Variants in PCDHA12 observed in about 807,000 individuals in gnomAD.
PCDHA12 encodes protocadherin alpha-12.
In PCDHA12, 44 loss-of-function variants were observed where a neutral mutation model predicts 60.0. The ratio of observed to expected loss-of-function variants is 0.73; its 90% CI spans 0.58 to 0.94. PCDHA12 has a LOEUF of 0.94. Among genes scored for constraint, PCDHA12 ranks in the 40% least tolerant of loss-of-function variants. PCDHA12 has a pLI of 0.00. For missense variants in PCDHA12, 1,276 were observed against 1,239.7 expected, an observed-to-expected ratio of 1.03 and a Z score of -0.44; for synonymous variants, 569 against 553.0, an observed-to-expected ratio of 1.03 and a Z score of -0.40.
chr5:140,966,978 G>T lies in PCDHA12; in HGVS notation c.2368-11971G>T, dbSNP rs782662616. The stretch of plus-strand genomic sequence containing the variant: ...CGCGCGCTGGGGCTTGAGCTGCGGC[G>T]CTTGGGGCCGGGTTGCTTGCGCATC... On this transcript the variant is annotated intron_variant, in intron 1 of 3. Transcript: ENST00000398631. 3.1e-6 allele frequency: 5 copies of T among 1,603,218 alleles called. No homozygotes were observed. In the African/African-American group the frequency reaches 5.3e-5, roughly 17 times the overall value.
chr5:140,941,256 T>TTTC (rs2092982969), intron 1 of PCDHA12, among the ~76,000 whole-genome samples: 1 of 45,974 alleles, frequency 2.2e-5, no homozygotes, highest in African/African-American at 7.5e-5. Flanking sequence ...TCTTTCTTTC[T>TTTC]CTTTCTTTCT....
rs1554169011 is a variant in PCDHA12, at chr5:140,876,843, G to A, written c.1371G>A (p.Gln457=). ...DVNDNAPAFA[Q]PEYTVFVKEN... is the part of the protein sequence containing the mutation. ...ACGACAATGCGCCTGCGTTCGCGCAGCCCGAGTACACAGTGTTCGTGAAGG... is the reference window on the plus strand; with the variant it reads ...ACGACAATGCGCCTGCGTTCGCGCAACCCGAGTACACAGTGTTCGTGAAGG... The change falls in exon 1 of 4, where the codon CAG becomes CAA. Residue 457 remains glutamine, a synonymous_variant. Coordinates refer to ENST00000398631, the MANE Select transcript of PCDHA12 (RefSeq NM_018903.4). The A allele has an allele frequency of 1.9e-6, 3 of 1,614,128 alleles. No homozygotes were observed. The highest frequency in any genetic ancestry group is 2.2e-5 in the East Asian group (1 of 44,870).
At chr5:140,917,211 C>T (rs938458701) in intron 1 of PCDHA12, among the ~76,000 whole-genome samples, 3 of 151,636 alleles carry the variant, frequency 2.0e-5, no homozygotes, top group Non-Finnish European at 2.9e-5. Context: ...TTCAATGCCT[C>T]TTTTAGTGAT....
chr5:140,928,571 C>T (rs369670852), intron 1 of PCDHA12: 1 of 1,614,180 alleles, frequency 6.2e-7, no homozygotes, highest in East Asian at 2.2e-5. Context: ...TTTCCCTTGC[C>T]CAGAAATGGT....
At chr5:140,928,178 G>C (rs2085023372) in intron 1 of PCDHA12, 1 of 1,614,074 alleles carries the variant, frequency 6.2e-7, no homozygotes, top group African/African-American at 1.3e-5. Flanking sequence ...AGCACCCGAA[G>C]GACAATCACT....
chr5:140,961,985 G>A (rs782724308), intron 1 of PCDHA12, among the ~76,000 whole-genome samples: 30 of 151,692 alleles, frequency 2.0e-4, no homozygotes, highest in Non-Finnish European at 4.0e-4. Context: ...CTGGGTTCAC[G>A]CCATTGTCCT....
chr5:140,883,503 C>T (rs782604086), intron 1 of PCDHA12: 7 of 1,614,204 alleles, frequency 4.3e-6, no homozygotes, highest in Non-Finnish European at 5.9e-6. Flanking sequence ...CTGGACAGCG[C>T]CCTGGACCGC....
At chr5:140,962,840 T>C (rs1554226297) in intron 1 of PCDHA12, among the ~76,000 whole-genome samples, 6 of 152,348 alleles carry the variant, frequency 3.9e-5, no homozygotes, top group African/African-American at 2.4e-5. Context: ...TTTTTTATTA[T>C]ATAACTTGTG....
intron 1 of PCDHA12, among the ~76,000 whole-genome samples, chr5:140,956,246 C>T (rs2095270779): frequency 6.6e-6 from 1 of 152,094 alleles, no homozygotes; most frequent in African/African-American, 2.4e-5. Context: ...GGGAATGCTT[C>T]CAGGTTTTGC....
chr5:140,884,020 G>C (rs61734917), intron 1 of PCDHA12: 236 of 1,613,292 alleles, frequency 1.5e-4, no homozygotes, highest in Non-Finnish European at 1.9e-4. Flanking sequence ...TGCCGCGGTC[G>C]GTGGGTGCAG....
At chr5:140,975,472 A>G (rs1012106018) in intron 1 of PCDHA12, among the ~76,000 whole-genome samples, 2 of 152,250 alleles carry the variant, frequency 1.3e-5, no homozygotes, top group African/African-American at 4.8e-5. Flanking sequence ...AATTCTGCCT[A>G]TCAGTTTATA....
rs2153432469 is a variant in PCDHA12, at chr5:140,890,949, A to C, written c.2367+13110A>C. On this transcript the variant is annotated intron_variant, in intron 1 of 3. Transcript: ENST00000398631. The stretch of plus-strand genomic sequence containing the variant: ...CTTTAGTCCAAAGATGCTGGTGAGG[A>C]ATGATTTCAGGTTTTGTTTTTCTGA... 2.0e-5 allele frequency among the ~76,000 whole-genome samples: 3 copies of C among 152,248 alleles called. No individual in the cohort carries two copies. The South Asian group carries it at 6.2e-4, about 32-fold the overall frequency.
intron 1 of PCDHA12, chr5:140,882,984 C>T (rs2059393576): frequency 2.5e-6 from 4 of 1,614,178 alleles, no homozygotes; most frequent in Non-Finnish European, 2.5e-6. Flanking sequence ...AATGACAACG[C>T]CCCGGAATTT....
chr5:140,918,901 CTT>C (rs1386679785), intron 1 of PCDHA12, among the ~76,000 whole-genome samples: 6 of 152,198 alleles, frequency 3.9e-5, no homozygotes, highest in African/African-American at 1.4e-4. Flanking sequence ...ATAAATCTCT[CTT>C]GTTTATTAAC....
In PCDHA12 at chr5:140,967,905, C is replaced by G. The variant is rs782291807; in HGVS notation, c.2368-11044C>G. ...AGCCCAGTGCCTGAGAATGCTACAC[C>G]CAACACCATTGTGGCCGTTCTCAGT... is the stretch of plus-strand genomic sequence containing the variant. On this transcript the variant is annotated intron_variant, in intron 1 of 3. Transcript: ENST00000398631. 36 of 1,614,168 alleles carry G rather than the reference C, an allele frequency of 2.2e-5. No homozygotes were observed. Among genetic ancestry groups the G allele is most frequent in the Non-Finnish European group, 2.8e-5 (33 of 1,180,028 alleles).
At chr5:140,884,022 T>G (rs2059946002) in intron 1 of PCDHA12, 1 of 1,613,028 alleles carries the variant, frequency 6.2e-7, no homozygotes, top group Non-Finnish European at 8.5e-7. Context: ...CCGCGGTCGG[T>G]GGGTGCAGGC....
At chr5:140,918,639 TGA>T (rs1554198713) in intron 1 of PCDHA12, among the ~76,000 whole-genome samples, 1 of 152,224 alleles carries the variant, frequency 6.6e-6, no homozygotes, top group East Asian at 1.9e-4. Context: ...ATTCATAAAT[TGA>T]AACCTAATTC....
At chr5:140,992,820 TG>T (rs1554253214) in intron 3 of PCDHA12, among the ~76,000 whole-genome samples, 1 of 152,164 alleles carries the variant, frequency 6.6e-6, no homozygotes, top group Non-Finnish European at 1.5e-5. Flanking sequence ...AGGATGTGTT[TG>T]TTTTTTGGGA....
intron 1 of PCDHA12, among the ~76,000 whole-genome samples, chr5:140,885,388 A>G (rs1187514037): frequency 2.0e-5 from 3 of 152,166 alleles, no homozygotes; most frequent in Admixed American, 2.0e-4. Context: ...CAGTCCCTGC[A>G]AATCTAATGG....
Sources: gnomAD v4.1 joint callset for allele counts (sites outside exome capture counted in the v4.1 genomes callset) on GRCh38, gnomAD v4.1.1 for gene constraint, MANE v1.5 for transcripts, NCBI Gene and HGNC (gene_info 2026-07-23, HGNC 2026-07-21) for gene names.